TTN: variants seen among roughly 807,000 people sequenced by gnomAD.
TTN encodes the protein connectin.
In TTN, 1,525 loss-of-function variants were observed where a neutral mutation model predicts 3,223.0. That is an observed-to-expected ratio of 0.47 (90% CI 0.45 to 0.49). TTN has a LOEUF of 0.49. TTN is among the 20% of genes least tolerant of loss of function. TTN has a pLI of 0.00. For synonymous variants in TTN, 14,094 were observed against 15,161.0 expected, an observed-to-expected ratio of 0.93 and a Z score of 5.17; for missense variants, 40,786 against 43,424.0, an observed-to-expected ratio of 0.94 and a Z score of 5.40.
At chr2:178,749,589 T>C in intron 47 of TTN, 4 of 1,612,222 alleles carry the variant, frequency 2.5e-6, no homozygotes, top group Non-Finnish European at 2.5e-6. Flanking sequence ...TGCTGATCTC[T>C]GGAATATTTT....
chr2:178,579,694 C>T lies in TTN; in HGVS notation c.67503G>A (p.Met22501Ile), dbSNP rs751903421. 26 of 1,613,258 alleles carry T rather than the reference C, an allele frequency of 1.6e-5. No individual in the cohort carries two copies. The highest frequency in any genetic ancestry group is 2.2e-5 in the Non-Finnish European group (26 of 1,179,492). Residue 22501 changes from methionine to isoleucine, a missense_variant, in exon 319 of 363, where the codon ATG becomes ATA. Met to Ile is a conservative substitution (Grantham distance 10). Transcript: ENST00000589042. Reference protein sequence around the residue: ...LTEENKWQRVMKSLSLQYSAK... With the variant: ...LTEENKWQRVIKSLSLQYSAK... The stretch of plus-strand genomic sequence containing the variant: ...CAGAGTACTGTAGGCTTAAGGATTT[C>T]ATAACTCGTTGCCACTTATTTTCTT...
chr2:178,584,345 C>A lies in TTN; in HGVS notation c.65206G>T (p.Ala21736Ser), dbSNP rs1320436212. 6.2e-7 allele frequency: 1 copy of A among 1,612,078 alleles called. No homozygotes were observed. Among genetic ancestry groups the A allele is most frequent in the Admixed American group, 1.7e-5 (1 of 59,940 alleles). ...EGLEYSFRIY[A>S]LNKAGSSPPS... ...GGGCTGGATCCAGCTTTGTTTAGGG[C>A]ATAGATTCTGAATGAATACTCAAGA... The change falls in exon 311 of 363, where the codon GCC becomes TCC. Residue 21736 changes from alanine to serine, a missense_variant. By Grantham distance (99) the Ala-to-Ser change is moderately conservative. Coordinates refer to ENST00000589042, the MANE Select transcript of TTN (RefSeq NM_001267550.2).
At chr2:178,597,420 TA>T (rs1252089287) in intron 294 of TTN, 117 bp downstream of exon 294, 1 of 1,196,100 alleles carries the variant, frequency 8.4e-7, no homozygotes, top group African/African-American at 1.6e-5. Flanking sequence ...TCAACATGAT[TA>T]TGGGTGATTT....
At chr2:178,606,939 G>A in intron 278 of TTN, 82 bp downstream of exon 278, 2 of 1,488,296 alleles carry the variant, frequency 1.3e-6, no homozygotes, top group Non-Finnish European at 1.8e-6. Flanking sequence ...ACTGTTGGGA[G>A]TTTGAAGCCA....
intron 88 of TTN, 87 bp from the exon 89 acceptor site, chr2:178,715,861 G>T (rs2077406034): frequency 1.5e-6 from 2 of 1,345,818 alleles, no homozygotes; most frequent in Admixed American, 2.6e-5. Context: ...ATCTTTGCTA[G>T]AGAGGTCTTT....
chr2:178,582,472 T>C lies in TTN; in HGVS notation c.65984A>G (p.Lys21995Arg), dbSNP rs773998370. 3 of 1,612,802 alleles carry C rather than the reference T, an allele frequency of 1.9e-6. No individual in the cohort carries two copies. The highest frequency in any genetic ancestry group is 1.7e-5 in the Admixed American group (1 of 59,940). Residue 21995 changes from lysine (K) to arginine (R), a missense_variant, in exon 314 of 363, where the codon AAA becomes AGA. Lys to Arg is a conservative substitution (Grantham distance 26). Transcript: ENST00000589042. ...GSEITNYIVD[K>R]RETSRPNWAQ... is the part of the protein sequence containing the mutation. ...CCAGTTGGGCCTGCTTGTTTCACGT[T>C]TGTCAACAATATAGTTGGTGATTTC...
intron 349 of TTN, chr2:178,542,012 C>CCTAA (rs1398095009): frequency 2.8e-6 from 1 of 358,566 alleles, no homozygotes; most frequent in Non-Finnish European, 5.0e-6. Context: ...TTCCTTTCTT[C>CCTAA]CTAACTCCCT....
chr2:178,621,028 AATG>A, intron 246 of TTN, 35 bp from the exon 247 acceptor site: 1 of 1,605,476 alleles, frequency 6.2e-7, no homozygotes, highest in East Asian at 2.2e-5. Flanking sequence ...TAGTATGAAT[AATG>A]ATCAAAGTGG....
Position 178,634,025 on chromosome 2 carries a change from T to G in TTN, c.42474A>C (p.Thr14158=), listed in dbSNP as rs2060122039. The G allele has an allele frequency of 6.2e-7, 1 of 1,613,318 alleles. No individual in the cohort carries two copies. Among genetic ancestry groups the G allele is most frequent in the South Asian group, 1.1e-5 (1 of 91,060 alleles). The part of the protein sequence containing the change: ...LEDQTVKEGE[T]ATFVCELSHE... ...GAGAAAGTTCACAAACAAAAGTTGC[T>G]GTTTCACCTTCTTTTACTGTTTGAT... is the stretch of plus-strand genomic sequence containing the variant. Residue 14158 remains threonine (T), a synonymous_variant, in exon 231 of 363, where the codon ACA becomes ACC. Transcript: ENST00000589042. This position sits in a 1 kb window ranked among gnomAD's most constrained non-coding sequence, Gnocchi z 4.6.
At chr2:178,768,599 A>T (rs369100183) in intron 38 of TTN, 74 bp downstream of exon 38, 1 of 1,602,780 alleles carries the variant, frequency 6.2e-7, no homozygotes, top group Admixed American at 1.7e-5. Flanking sequence ...TTATCCATTC[A>T]TTAATTGATA....
intron 47 of TTN, chr2:178,750,714 C>A: frequency 3.1e-6 from 5 of 1,612,766 alleles, no homozygotes; most frequent in Non-Finnish European, 4.2e-6. Flanking sequence ...CTTTCACTAG[C>A]TATTTCTTCA....
At chr2:178,617,066 G>A in intron 255 of TTN, 53 bp from the exon 256 acceptor site, 1 of 1,610,536 alleles carries the variant, frequency 6.2e-7, no homozygotes, top group South Asian at 1.1e-5. Flanking sequence ...AGTCCCTGTT[G>A]CCCCAAAGTA....
chr2:178,717,224 T>C lies in TTN; in HGVS notation c.25510A>G (p.Met8504Val), dbSNP rs761929830. 1.2e-6 allele frequency: 2 copies of C among 1,613,676 alleles called. No individual in the cohort carries two copies. The highest frequency in any genetic ancestry group is 1.7e-5 in the Admixed American group (1 of 60,006). Residue 8504 changes from methionine (M) to valine (V), a missense_variant, in exon 88 of 363, where the codon ATG (methionine) becomes GTG (valine). Transcript: ENST00000589042. ...GTGGCAGTATTTTCTACCAAAGTCA[T>C]CTTGTAGTTGCCTCCAGGGCGAATC... ...REIRPGGNYK[M>V]TLVENTATLT...
chr2:178,561,804 C>T lies in TTN; in HGVS notation c.84328G>A (p.Ala28110Thr). The T allele has an allele frequency of 6.2e-7, 1 of 1,613,674 alleles. No homozygotes were observed. Among genetic ancestry groups the T allele is most frequent in the Non-Finnish European group, 8.5e-7 (1 of 1,179,748 alleles). ...CGAACTATTTTAATGGATGTTCTTG[C>T]AACTGCTTGTGAAACTATGTGCCAT... ...TTWHIVSQAVARTSIKIVRLT... is the reference protein window; with the variant it reads ...TTWHIVSQAVTRTSIKIVRLT... The change falls in exon 326 of 363, where the codon GCA (alanine) becomes ACA (threonine). Residue 28110 changes from alanine (A) to threonine (T), a missense_variant. Transcript: ENST00000589042.
chr2:178,567,063 A>G lies in TTN; in HGVS notation c.79069T>C (p.Tyr26357His). 6.2e-7 allele frequency: 1 copy of G among 1,613,606 alleles called. No homozygotes were observed. Among genetic ancestry groups the G allele is most frequent in the Non-Finnish European group, 8.5e-7 (1 of 1,179,628 alleles). The change falls in exon 326 of 363, where the codon TAT becomes CAT. Residue 26357 changes from tyrosine to histidine, a missense_variant. By Grantham distance (83) the Tyr-to-His change is moderately conservative (BLOSUM62 2). Transcript: ENST00000589042. Reference sequence around the variant, plus strand: ...TTGACAGCCATTATACGGAAAACATATTCATTACCTTCTAAGAGTTTGGTA... The same window carrying G: ...TTGACAGCCATTATACGGAAAACATGTTCATTACCTTCTAAGAGTTTGGTA... ...KVTKLLEGNE[Y>H]VFRIMAVNKY...
chr2:178,667,526 C>T lies in TTN; in HGVS notation c.35630-1G>A. On this transcript the variant is annotated splice_acceptor_variant, in intron 160 of 362. Coordinates refer to ENST00000589042, the MANE Select transcript of TTN (RefSeq NM_001267550.2). LOFTEE classifies it high-confidence loss of function. ...ACAACTTTCTTGGGTGGCTCAGGCACTTAAAAGATATGAGTATAGTTATAT... is the reference window on the plus strand; with the variant it reads ...ACAACTTTCTTGGGTGGCTCAGGCATTTAAAAGATATGAGTATAGTTATAT... 1.9e-6 allele frequency: 3 copies of T among 1,596,300 alleles called. No individual in the cohort carries two copies. Among genetic ancestry groups the T allele is most frequent in the Non-Finnish European group, 2.5e-6 (3 of 1,178,722 alleles).
rs1012677538 is a variant in TTN, at chr2:178,539,725, T to C, written c.98340A>G (p.Lys32780=). Residue 32780 remains lysine, a synonymous_variant, in exon 352 of 363, where the codon AAA becomes AAG. Coordinates refer to ENST00000589042, the MANE Select transcript of TTN (RefSeq NM_001267550.2). The part of the protein sequence containing the change: ...SGTYDLVLEN[K]CGKKAVYIKV... ...TGATGTAGACAGCCTTCTTGCCACA[T>C]TTATTTTCCAGAACCAGGTCATAAG... 6.2e-7 allele frequency: 1 copy of C among 1,613,816 alleles called. No homozygotes were observed.
chr2:178,637,415 G>T lies in TTN; in HGVS notation c.40881C>A (p.Ala13627=). The T allele has an allele frequency of 6.8e-7, 1 of 1,476,450 alleles. No homozygotes were observed. Among genetic ancestry groups the T allele is most frequent in the Admixed American group, 2.5e-5 (1 of 40,218 alleles). The allele number at this position is 1,476,450 out of a possible 1,614,324, so 91.5% of individuals were successfully genotyped here. A position where few individuals can be genotyped will look rare whatever the true frequency, so the allele number is the denominator to read the frequency against. Residue 13627 remains alanine (A), a synonymous_variant, in exon 224 of 363, where the codon GCC becomes GCA. Coordinates refer to ENST00000589042, the MANE Select transcript of TTN (RefSeq NM_001267550.2). ...TGGCAGCCTCTTCCTTAGGTGCTTT[G>T]GCTTCTGAAATAAAAATAAAACTCA... ...TVPVVGKKAE[A]KAPKEEAAKP...
chr2:178,790,888 C>G (rs1284898092), intron 10 of TTN, 43 bp from the exon 11 acceptor site: 4 of 1,610,228 alleles, frequency 2.5e-6, no homozygotes, highest in Non-Finnish European at 3.4e-6. Context: ...TCAAAAGATA[C>G]AAAAGCAATG....
Sources: allele counts gnomAD v4.1 joint callset, GRCh38; gene constraint gnomAD v4.1.1; non-coding constraint Gnocchi (gnomAD v3.1); transcripts MANE v1.5; gene names NCBI Gene and HGNC (gene_info 2026-07-23, HGNC 2026-07-21).